The following MAPKBP1 variants were observed in gnomAD, a reference collection of about 807,000 sequenced individuals.
MAPKBP1 encodes mitogen-activated protein kinase-binding protein 1.
In MAPKBP1, 71 loss-of-function variants were observed where a neutral mutation model predicts 170.5. That is an observed-to-expected ratio of 0.42 (90% CI 0.34 to 0.51). The LOEUF is 0.51. Among genes scored for constraint, MAPKBP1 ranks in the 20% least tolerant of loss-of-function variants. The pLI is 0.06. For missense variants in MAPKBP1, 1,598 were observed against 1,933.0 expected, an observed-to-expected ratio of 0.83 and a Z score of 3.25; for synonymous variants, 719 against 757.9, an observed-to-expected ratio of 0.95 and a Z score of 0.84.
In MAPKBP1 at chr15:41,822,967, G is replaced by C. The variant is rs2065026379; in HGVS notation, c.3343G>C (p.Ala1115Pro). ...REPSPSSSSL[A>P]LMSRPAQVPQ... ...ACCATCCCCATCCTCCTCAAGCCTGGCACTGATGTCGAGACCAGCCCAGGT... is the reference window on the plus strand; with the variant it reads ...ACCATCCCCATCCTCCTCAAGCCTGCCACTGATGTCGAGACCAGCCCAGGT... The change falls in exon 28 of 31, where the codon GCA becomes CCA. Residue 1115 changes from alanine (A) to proline (P), a missense_variant. Physicochemically the swap from Ala to Pro is conservative, Grantham distance 27. This residue lies in a region of MAPKBP1 where 942 missense variants were observed against 953.2 expected (regional missense o/e 0.99). Coordinates refer to ENST00000457542, the MANE Select transcript of MAPKBP1 (RefSeq NM_014994.3). 1.2e-6 allele frequency: 2 copies of C among 1,613,088 alleles called. No homozygotes were observed. The highest frequency in any genetic ancestry group is 1.7e-6 in the Non-Finnish European group (2 of 1,179,434).
intron 2 of MAPKBP1, among the ~76,000 whole-genome samples, chr15:41,784,808 T>C (rs1042096373): frequency 2.4e-4 from 33 of 134,864 alleles, no homozygotes; most frequent in Non-Finnish European, 3.1e-5. Flanking sequence ...AAAAATTAGC[T>C]GGGACTTTGG....
At chr15:41,775,571 G>C (rs929929196) in intron 2 of MAPKBP1, among the ~76,000 whole-genome samples, 182 bp downstream of exon 2, 1 of 152,206 alleles carries the variant, frequency 6.6e-6, no homozygotes, top group Non-Finnish European at 1.5e-5. Context: ...GCAGGGGTGG[G>C]CATGCTGAGA....
rs1596104060 is a variant in MAPKBP1, at chr15:41,825,510, A to C, written c.*74A>C. ...TGCAGCCCCTCTGCCCCTCACCAAA[A>C]CCTGCGGGGCTGCTTGGAGTGGAAA... On this transcript the variant is annotated 3_prime_UTR_variant, in exon 31 of 31. Coordinates refer to ENST00000457542, the MANE Select transcript of MAPKBP1 (RefSeq NM_014994.3). 6 of 1,337,326 alleles carry C rather than the reference A, an allele frequency of 4.5e-6. No homozygotes were observed. The highest frequency in any genetic ancestry group is 1.4e-5 in the South Asian group (1 of 69,472). 82.8% of individuals were successfully genotyped at this position (1,337,326 alleles called of 1,614,324 possible). A position where few individuals can be genotyped will look rare whatever the true frequency, so the allele number is the denominator to read the frequency against.
intron 3 of MAPKBP1, among the ~76,000 whole-genome samples, chr15:41,802,970 A>G (rs898587324): frequency 1.3e-5 from 2 of 152,208 alleles, no homozygotes; most frequent in African/African-American, 2.4e-5. Flanking sequence ...ACTGTCATAC[A>G]TGCCCTTCGC....
chr15:41,814,550 T>G lies in MAPKBP1; in HGVS notation c.981T>G (p.Ser327Arg), dbSNP rs1468088856. The G allele has an allele frequency of 6.2e-7, 1 of 1,613,892 alleles. No individual in the cohort carries two copies. Among genetic ancestry groups the G allele is most frequent in the Non-Finnish European group, 8.5e-7 (1 of 1,179,904 alleles). The change falls in exon 10 of 31, where the codon AGT becomes AGG. Residue 327 changes from serine to arginine, a missense_variant and splice_region_variant. Physicochemically the swap from Ser to Arg is moderately radical, Grantham distance 110 (BLOSUM62 -1). Around this residue, in one of 6 missense-constraint regions of MAPKBP1, gnomAD observed 430 missense variants for 617.2 expected, o/e 0.70. Transcript: ENST00000457542. Reference protein sequence around the residue: ...GTDIASVTEASRLFSGVANAR... With the variant: ...GTDIASVTEARRLFSGVANAR... ...AGTGTGCCCTGTCCTCTCCCTACAG[T>G]CGCCTCTTCTCTGGAGTGGCGAATG...
chr15:41,822,044 C>T lies in MAPKBP1; in HGVS notation c.2965C>T (p.Pro989Ser), dbSNP rs774387715. The stretch of plus-strand genomic sequence containing the variant: ...CAGCAGGAGCTCAGAAAAGCACAGC[C>T]CTGACAGTGCCTGCTCTGTGGATTA... The part of the protein sequence containing the change: ...PGSRSSEKHS[P>S]DSACSVDYSS... Residue 989 changes from proline (P) to serine (S), a missense_variant, in exon 25 of 31, where the codon CCT becomes TCT. Around this residue, in one of 6 missense-constraint regions of MAPKBP1, gnomAD observed 942 missense variants for 953.2 expected, o/e 0.99. Coordinates refer to ENST00000457542, the MANE Select transcript of MAPKBP1 (RefSeq NM_014994.3). 25 of 1,608,888 alleles carry T rather than the reference C, an allele frequency of 1.6e-5. No individual in the cohort carries two copies. Among genetic ancestry groups the T allele is most frequent in the Non-Finnish European group, 2.1e-5 (25 of 1,177,660 alleles).
intron 2 of MAPKBP1, among the ~76,000 whole-genome samples, chr15:41,779,084 G>A (rs532058912): frequency 2.6e-5 from 4 of 152,130 alleles, no homozygotes; most frequent in South Asian, 4.2e-4. Context: ...GTGGTACTTC[G>A]AGCCTTTTGA....
intron 22 of MAPKBP1, among the ~76,000 whole-genome samples, chr15:41,820,525 G>A (rs1321633739): frequency 1.3e-5 from 2 of 152,150 alleles, no homozygotes; most frequent in African/African-American, 4.8e-5. Flanking sequence ...CCAGGTGAAG[G>A]CTGAGACTAG....
Position 41,822,646 on chromosome 15 carries a change from T to C in MAPKBP1, c.3283T>C (p.Phe1095Leu). Residue 1095 changes from phenylalanine to leucine, a missense_variant, in exon 27 of 31, where the codon TTC becomes CTC. Physicochemically the swap from Phe to Leu is conservative, Grantham distance 22. Transcript: ENST00000457542. ...RSESRSISSR[F>L]LLQVQTRPLR... ...AGAGTCTCGGAGTATCTCTTCACGA[T>C]TCCTGTTGCAAGTACAGACCCGCCC... 6.2e-7 allele frequency: 1 copy of C among 1,614,042 alleles called. No individual in the cohort carries two copies. Among genetic ancestry groups the C allele is most frequent in the Non-Finnish European group, 8.5e-7 (1 of 1,179,970 alleles).
At chr15:41,815,457 A>C (rs1161324145) in intron 11 of MAPKBP1, 52 bp downstream of exon 11, 2 of 1,603,724 alleles carry the variant, frequency 1.2e-6, no homozygotes, top group African/African-American at 2.7e-5. Flanking sequence ...CCCCATCCCC[A>C]CAGCTATTGC....
chr15:41,820,846 G>GGGGTTCCTCCGT lies in MAPKBP1; in HGVS notation c.2504_2505insCCGTGGGTTCCT (p.Leu835_Asp836insArgGlyPheLeu). On this transcript the variant is annotated inframe_insertion, in exon 23 of 31. Transcript: ENST00000457542. The stretch of plus-strand genomic sequence containing the variant: ...CCTCCCACCAGGCACAGGAGTCCGT[G>GGGGTTCCTCCGT]GGGTTCCTGGACCCAGCTCCTGCAG... 1 of 1,613,736 alleles carries GGGGTTCCTCCGT rather than the reference G, an allele frequency of 6.2e-7. No individual in the cohort carries two copies. The highest frequency in any genetic ancestry group is 8.5e-7 in the Non-Finnish European group (1 of 1,179,800).
intron 1 of MAPKBP1, 163 bp from the exon 2 acceptor site, chr15:41,775,004 C>A: frequency 4.3e-6 from 2 of 465,368 alleles, no homozygotes; most frequent in Non-Finnish European, 7.5e-6. Flanking sequence ...GATTTTCCCC[C>A]CCTTTTTCGT....
rs3214532 is a variant in MAPKBP1, at chr15:41,818,619, T to TA, written c.2156+38dup. The TA allele has an allele frequency of 1.3e-3, 2,091 of 1,580,108 alleles. 53 individuals carry two copies. In the East Asian group the frequency reaches 0.043, roughly 33 times the overall value. Reference sequence around the variant, plus strand: ...CCAGCTTCCCTGAGAGGCAGATTCTTACTCTGCCACAGCACCCTGCCCTCC... The same window carrying TA: ...CCAGCTTCCCTGAGAGGCAGATTCTTAACTCTGCCACAGCACCCTGCCCTCC... On this transcript the variant is annotated intron_variant, in intron 19 of 30. Transcript: ENST00000457542. This position sits in a 1 kb window ranked among gnomAD's most constrained non-coding sequence, Gnocchi z 5.2.
chr15:41,790,959 C>A (rs985388951), intron 2 of MAPKBP1, among the ~76,000 whole-genome samples: 5 of 152,126 alleles, frequency 3.3e-5, no homozygotes, highest in African/African-American at 2.4e-5. Flanking sequence ...GTGGCTTTTG[C>A]GTTAAGTGGC....
Position 41,817,667 on chromosome 15 carries a change from C to T in MAPKBP1, c.1836C>T (p.Thr612=). Residue 612 remains threonine, a synonymous_variant, in exon 16 of 31, where the codon ACC becomes ACT. Coordinates refer to ENST00000457542, the MANE Select transcript of MAPKBP1 (RefSeq NM_014994.3). The surrounding 1 kb of genome is among the most constrained non-coding windows in gnomAD (Gnocchi z 4.2). The part of the protein sequence containing the change: ...TRTHHVVRKT[T]LYDMDVEPSW... ...CACACCACGTGGTGCGGAAGACGAC[C>T]CTCTATGACATGGATGTGGAGCCCA... The T allele has an allele frequency of 2.5e-6, 4 of 1,614,162 alleles. No homozygotes were observed. The highest frequency in any genetic ancestry group is 3.4e-6 in the Non-Finnish European group (4 of 1,180,026).
At chr15:41,791,865 G>A (rs1023726562) in intron 2 of MAPKBP1, among the ~76,000 whole-genome samples, 1 of 152,014 alleles carries the variant, frequency 6.6e-6, no homozygotes, top group African/African-American at 2.4e-5. Context: ...AGACCAGCCT[G>A]ACCAACATGG....
rs772593500 is a variant in MAPKBP1, at chr15:41,821,619, T to G, written c.2754T>G (p.Pro918=). The G allele has an allele frequency of 7.4e-6, 12 of 1,613,856 alleles. No individual in the cohort carries two copies. The highest frequency in any genetic ancestry group is 1.0e-5 in the Non-Finnish European group (12 of 1,179,974). Residue 918 remains proline (P), a synonymous_variant, in exon 24 of 31, where the codon CCT becomes CCG. Transcript: ENST00000457542. ...EKPPRPQASQ[P]CSYPHIIRLL... ...CCCCTCGGCCTCAGGCTTCCCAACC[T>G]TGTTCCTATCCCCATATTATCCGAT...
intron 2 of MAPKBP1, among the ~76,000 whole-genome samples, chr15:41,776,047 A>C (rs2064093129): frequency 2.0e-5 from 3 of 152,244 alleles, no homozygotes; most frequent in African/African-American, 7.2e-5. Flanking sequence ...TGATCCTCAG[A>C]GGCAAAGTTC....
At chr15:41,776,502 G>C (rs1191036541) in intron 2 of MAPKBP1, among the ~76,000 whole-genome samples, 2 of 152,224 alleles carry the variant, frequency 1.3e-5, no homozygotes, top group African/African-American at 4.8e-5. Flanking sequence ...AAGGTTTTGT[G>C]ATGGTGGACA....
Sources: allele counts gnomAD v4.1 joint callset (sites outside exome capture counted in the v4.1 genomes callset), GRCh38; gene constraint gnomAD v4.1.1; regional missense constraint gnomAD v4.1.1; non-coding constraint Gnocchi (gnomAD v3.1); transcripts MANE v1.5; gene names NCBI Gene and HGNC (gene_info 2026-07-23, HGNC 2026-07-21).